SLC6A2: variants seen among roughly 807,000 people sequenced by gnomAD.
SLC6A2 encodes solute carrier family 6 member 2, also known as sodium-dependent noradrenaline transporter.
In SLC6A2, 26 loss-of-function variants were observed where a neutral mutation model predicts 71.7. The ratio of observed to expected loss-of-function variants is 0.36; its 90% confidence interval spans 0.27 to 0.50. The LOEUF (loss-of-function observed/expected upper bound fraction) is 0.50, where lower values mean the gene tolerates loss of function less well. Among genes scored for constraint, SLC6A2 ranks in the 20% least tolerant of loss-of-function variants. SLC6A2 has a pLI of 0.96. For missense variants in SLC6A2, 581 were observed against 803.9 expected (o/e 0.72, Z 3.35); for synonymous variants, 363 against 337.9 (o/e 1.07, Z -0.82).
intron 2 of SLC6A2, among the ~76,000 whole-genome samples, chr16:55,663,216 T>C (rs1964656611): frequency 6.6e-6 from 1 of 152,214 alleles, no homozygotes; most frequent in African/African-American, 2.4e-5. Context: ...TTGTCTCCAC[T>C]AAAACTCCTG....
At chr16:55,668,169 C>T (rs1964805587) in intron 2 of SLC6A2, among the ~76,000 whole-genome samples, 1 of 152,124 alleles carries the variant, frequency 6.6e-6, no homozygotes, top group Admixed American at 6.5e-5. Context: ...TTCATGCTTC[C>T]TACTTAGGAG....
Position 55,702,578 on chromosome 16 carries a change from T to C in SLC6A2, c.*232T>C, listed in dbSNP as rs1966005589. ...GGAGAGGAGCAAACAGGAAAATGACTTCTGTTCTGTCCCCGCTGTTTTGGG... is the reference window on the plus strand; with the variant it reads ...GGAGAGGAGCAAACAGGAAAATGACCTCTGTTCTGTCCCCGCTGTTTTGGG... On this transcript the variant is annotated 3_prime_UTR_variant, in exon 15 of 15. Transcript: ENST00000568943. 2 of 1,438,330 alleles carry C rather than the reference T, an allele frequency of 1.4e-6. No homozygotes were observed. Among genetic ancestry groups the C allele is most frequent in the East Asian group, 5.1e-5 (2 of 39,018 alleles). 89.1% of individuals were successfully genotyped at this position (1,438,330 alleles called of 1,614,324 possible).
intron 2 of SLC6A2, among the ~76,000 whole-genome samples, chr16:55,657,683 C>T (rs1964496849): frequency 6.6e-6 from 1 of 152,176 alleles, no homozygotes; most frequent in Non-Finnish European, 1.5e-5. Flanking sequence ...CAAGTTCTAG[C>T]CGCATTGCAG....
chr16:55,697,901 G>A lies in SLC6A2; in HGVS notation c.1265G>A (p.Gly422Glu). The A allele has an allele frequency of 6.2e-7, 1 of 1,614,048 alleles. No homozygotes were observed. Among genetic ancestry groups the A allele is most frequent in the Non-Finnish European group, 8.5e-7 (1 of 1,179,998 alleles). Residue 422 changes from glycine (G) to glutamate (E), a missense_variant, in exon 10 of 15, where the codon GGA (glycine) becomes GAA (glutamate). Coordinates refer to ENST00000568943, the MANE Select transcript of SLC6A2 (RefSeq NM_001172501.3). ...ACCCCTCCTGGTTCCCTCCAGATGGGAGGCATGGAGGCTGTCATCACGGGC... is the reference window on the plus strand; with the variant it reads ...ACCCCTCCTGGTTCCCTCCAGATGGAAGGCATGGAGGCTGTCATCACGGGC... ...LLALGLDSSM[G>E]GMEAVITGLA...
At chr16:55,662,800 T>G (rs1964644957) in intron 2 of SLC6A2, among the ~76,000 whole-genome samples, 1 of 151,970 alleles carries the variant, frequency 6.6e-6, no homozygotes, top group African/African-American at 2.4e-5. Context: ...ATCAGGGGAG[T>G]GGGTGTGTTC....
intron 13 of SLC6A2, among the ~76,000 whole-genome samples, chr16:55,701,507 G>A (rs1263230591): frequency 6.6e-6 from 1 of 152,186 alleles, no homozygotes; most frequent in Non-Finnish European, 1.5e-5. Context: ...TCTCCCTGCT[G>A]CACTTTCTCC....
chr16:55,692,781 C>A (rs1335640148), intron 6 of SLC6A2, among the ~76,000 whole-genome samples: 1 of 152,188 alleles, frequency 6.6e-6, no homozygotes, highest in Non-Finnish European at 1.5e-5. Context: ...CAGGCCCCAG[C>A]AGCACAGGAT....
At chr16:55,662,780 G>T (rs765200412) in intron 2 of SLC6A2, among the ~76,000 whole-genome samples, 4 of 152,174 alleles carry the variant, frequency 2.6e-5, no homozygotes, top group Non-Finnish European at 4.4e-5. Flanking sequence ...AGAGCAGCTG[G>T]GTTTAATCCA....
chr16:55,695,681 A>G lies in SLC6A2; in HGVS notation c.1147+279A>G, dbSNP rs557312543. ...ACCAGCCCTGGGCTAAGCACTTGACATACCTCCACTTAGTTCTCACAAGGC... is the reference window on the plus strand; with the variant it reads ...ACCAGCCCTGGGCTAAGCACTTGACGTACCTCCACTTAGTTCTCACAAGGC... On this transcript the variant is annotated intron_variant, in intron 8 of 14. Transcript: ENST00000568943. 2.5e-4 allele frequency among the ~76,000 whole-genome samples: 38 copies of G among 152,340 alleles called. 1 individual carries two copies. The South Asian group carries it at 7.7e-3, about 31-fold the overall frequency.
chr16:55,692,036 G>T lies in SLC6A2; in HGVS notation c.902G>T (p.Arg301Leu). 2.5e-6 allele frequency: 4 copies of T among 1,614,136 alleles called. No homozygotes were observed. The highest frequency in any genetic ancestry group is 1.3e-5 in the African/African-American group (1 of 75,052). ...GCCTACCTGCACATCGACTTCTACC[G>T]CTTGAAAGAGGCCACGGTCAGTGCT... ...INAYLHIDFY[R>L]LKEATVWIDA... Residue 301 changes from arginine (R) to leucine (L), a missense_variant, in exon 6 of 15, where the codon CGC becomes CTC. By Grantham distance (102) the Arg-to-Leu change is moderately radical. Coordinates refer to ENST00000568943, the MANE Select transcript of SLC6A2 (RefSeq NM_001172501.3).
intron 2 of SLC6A2, among the ~76,000 whole-genome samples, chr16:55,664,368 G>A (rs1039324815): frequency 6.6e-6 from 1 of 152,186 alleles, no homozygotes; most frequent in East Asian, 1.9e-4. Flanking sequence ...TTTGCTCATG[G>A]TCAGCACTCT....
intron 2 of SLC6A2, among the ~76,000 whole-genome samples, chr16:55,669,341 C>T (rs1964840270): frequency 6.6e-6 from 1 of 152,182 alleles, no homozygotes; most frequent in South Asian, 2.1e-4. Flanking sequence ...TTTGCTTAAC[C>T]TAGATTTTAC....
intron 4 of SLC6A2, among the ~76,000 whole-genome samples, chr16:55,683,611 C>G (rs1002106347): frequency 8.2e-6 from 1 of 122,260 alleles, no homozygotes. Context: ...GAAACTCCGT[C>G]TCAAACAAAC....
chr16:55,703,709 G>T lies in SLC6A2; in HGVS notation c.*1363G>T. On this transcript the variant is annotated 3_prime_UTR_variant, in exon 15 of 15. Transcript: ENST00000568943. Reference sequence around the variant, plus strand: ...TAGAGTCTCTTACACCCTTGTTGGAGGGATTCTTATTCTGACTGTGGGAGC... The same window carrying T: ...TAGAGTCTCTTACACCCTTGTTGGATGGATTCTTATTCTGACTGTGGGAGC... 1 of 985,372 alleles carries T rather than the reference G, an allele frequency of 1.0e-6. No individual in the cohort carries two copies. The highest frequency in any genetic ancestry group is 1.2e-6 in the Non-Finnish European group (1 of 829,900). 61.0% of individuals were successfully genotyped at this position (985,372 alleles called of 1,614,324 possible).
intron 5 of SLC6A2, among the ~76,000 whole-genome samples, chr16:55,687,442 G>A (rs1323380934): frequency 1.3e-5 from 2 of 152,168 alleles, no homozygotes; most frequent in Admixed American, 6.5e-5. Flanking sequence ...GGTGGCATTC[G>A]AGCTGGGTCT....
Position 55,703,069 on chromosome 16 carries a change from A to G in SLC6A2, c.*723A>G, listed in dbSNP as rs1966022883. The G allele has an allele frequency of 1.0e-6, 1 of 986,378 alleles. No individual in the cohort carries two copies. Among genetic ancestry groups the G allele is most frequent in the African/African-American group, 1.7e-5 (1 of 57,232 alleles). 61.1% of individuals were successfully genotyped at this position (986,378 alleles called of 1,614,324 possible). A position where few individuals can be genotyped will look rare whatever the true frequency, so the allele number is the denominator to read the frequency against. ...ATGGGGGACAGGAGGAAGAGGGTAA[A>G]TGAACCACAGTGAGCAGGTTCTAGG... On this transcript the variant is annotated 3_prime_UTR_variant, in exon 15 of 15. Coordinates refer to ENST00000568943, the MANE Select transcript of SLC6A2 (RefSeq NM_001172501.3).
chr16:55,672,601 T>C (rs1386516249), intron 4 of SLC6A2, among the ~76,000 whole-genome samples: 1 of 152,134 alleles, frequency 6.6e-6, no homozygotes, highest in African/African-American at 2.4e-5. Context: ...GAACTGATGA[T>C]GTCAGAGAAG....
At chr16:55,692,542 A>G (rs1965668469) in intron 6 of SLC6A2, among the ~76,000 whole-genome samples, 1 of 152,174 alleles carries the variant, frequency 6.6e-6, no homozygotes, top group African/African-American at 2.4e-5. Context: ...CCCCCTGTCC[A>G]GAGGCCCCAA....
chr16:55,681,252 C>T (rs1965262030), intron 4 of SLC6A2, among the ~76,000 whole-genome samples: 1 of 152,218 alleles, frequency 6.6e-6, no homozygotes, highest in African/African-American at 2.4e-5. Context: ...ACAGCCCTTT[C>T]ACTGAAAAGA....
Sources: allele counts gnomAD v4.1 joint callset (sites outside exome capture counted in the v4.1 genomes callset), GRCh38; gene constraint gnomAD v4.1.1; transcripts MANE v1.5; gene names NCBI Gene and HGNC (gene_info 2026-07-23, HGNC 2026-07-21).